HPSE2: variants seen among roughly 807,000 people sequenced by gnomAD.
HPSE2 encodes inactive heparanase-2.
Under a neutral mutation model 60.5 loss-of-function variants are expected in HPSE2, and 38 were observed. The ratio of observed to expected loss-of-function variants is 0.63; its 90% CI spans 0.48 to 0.82. HPSE2 has a LOEUF of 0.82. HPSE2 is among the 40% of genes least tolerant of loss of function. The pLI, the probability that HPSE2 is intolerant of heterozygous loss-of-function variation, is 0.00. For missense variants in HPSE2, 713 were observed against 740.4 expected, an observed-to-expected ratio of 0.96 and a Z score of 0.43; for synonymous variants, 295 against 293.2, an observed-to-expected ratio of 1.01 and a Z score of -0.06.
At chr10:99,150,254 C>T (rs1399149415) in intron 2 of HPSE2, among the ~76,000 whole-genome samples, 2 of 152,146 alleles carry the variant, frequency 1.3e-5, no homozygotes, top group African/African-American at 2.4e-5. Flanking sequence ...CATAAACTAA[C>T]CAGTTAGTAA....
At chr10:98,858,063 C>T (rs1220726786) in intron 3 of HPSE2, among the ~76,000 whole-genome samples, 1 of 152,166 alleles carries the variant, frequency 6.6e-6, no homozygotes, top group Admixed American at 6.5e-5. Context: ...CAATCTTTAA[C>T]AATCTTTCAA....
chr10:98,775,364 C>T (rs1009308367), intron 3 of HPSE2, among the ~76,000 whole-genome samples: 3 of 152,176 alleles, frequency 2.0e-5, no homozygotes, highest in African/African-American at 7.2e-5. Flanking sequence ...TAGGGCACAT[C>T]TCCATTGGGA....
At chr10:98,589,907 A>G (rs780621074) in intron 9 of HPSE2, among the ~76,000 whole-genome samples, 1 of 152,210 alleles carries the variant, frequency 6.6e-6, no homozygotes, top group Non-Finnish European at 1.5e-5. Flanking sequence ...GAATTTAGTC[A>G]TCCTGTCAGG....
chr10:98,637,589 G>A (rs1946530262), intron 7 of HPSE2, among the ~76,000 whole-genome samples: 1 of 152,080 alleles, frequency 6.6e-6, no homozygotes, highest in African/African-American at 2.4e-5. Context: ...TCAAGTAAGT[G>A]ACTGGCCCAA....
At chr10:98,983,541 A>G (rs543699577) in intron 3 of HPSE2, among the ~76,000 whole-genome samples, 1 of 152,352 alleles carries the variant, frequency 6.6e-6, no homozygotes, top group South Asian at 2.1e-4. Flanking sequence ...ATCATTTGCG[A>G]TCTCAAGCAG....
chr10:98,837,252 A>T (rs1565199625), intron 3 of HPSE2, among the ~76,000 whole-genome samples: 1 of 152,206 alleles, frequency 6.6e-6, no homozygotes. Context: ...ACATCAAGAA[A>T]TGTATGCATT....
At chr10:99,150,856 A>T (rs1846234604) in intron 2 of HPSE2, among the ~76,000 whole-genome samples, 1 of 152,204 alleles carries the variant, frequency 6.6e-6, no homozygotes, top group African/African-American at 2.4e-5. Flanking sequence ...AAATGCCACA[A>T]AACTTAATGT....
At chr10:98,958,009 T>G (rs923404034) in intron 3 of HPSE2, among the ~76,000 whole-genome samples, 1 of 152,028 alleles carries the variant, frequency 6.6e-6, no homozygotes, top group Non-Finnish European at 1.5e-5. Context: ...GCTGGAGAGG[T>G]TGTCTCTTCT....
intron 2 of HPSE2, among the ~76,000 whole-genome samples, chr10:99,164,250 T>C (rs1846971483): frequency 9.1e-6 from 1 of 109,700 alleles, no homozygotes; most frequent in Non-Finnish European, 1.9e-5. Flanking sequence ...TATATATATA[T>C]ATATATATAT....
intron 7 of HPSE2, among the ~76,000 whole-genome samples, chr10:98,631,725 G>A (rs369554537): frequency 2.0e-5 from 3 of 152,132 alleles, no homozygotes; most frequent in African/African-American, 7.2e-5. Context: ...GCATATAGCA[G>A]GACCTTACTA....
At chr10:98,870,795 C>CA (rs1210467853) in intron 3 of HPSE2, among the ~76,000 whole-genome samples, 1 of 151,940 alleles carries the variant, frequency 6.6e-6, no homozygotes, top group African/African-American at 2.4e-5. Context: ...TCACAATTCC[C>CA]AATGTTGGAG....
chr10:98,544,267 A>G (rs1426134080), intron 9 of HPSE2, among the ~76,000 whole-genome samples: 1 of 152,230 alleles, frequency 6.6e-6, no homozygotes, highest in African/African-American at 2.4e-5. Flanking sequence ...AAATAAAGAT[A>G]TTCTTTGAAA....
At chr10:98,511,698 A>G (rs529941504) in intron 9 of HPSE2, among the ~76,000 whole-genome samples, 1 of 152,106 alleles carries the variant, frequency 6.6e-6, no homozygotes, top group South Asian at 2.1e-4. Context: ...CCAGTGCCAT[A>G]GACATTGGGA....
intron 9 of HPSE2, among the ~76,000 whole-genome samples, chr10:98,586,177 G>C (rs1376385830): frequency 6.6e-6 from 1 of 152,150 alleles, no homozygotes; most frequent in African/African-American, 2.4e-5. Flanking sequence ...CAATAGAATT[G>C]CCAGGTTCAT....
chr10:98,608,497 C>T (rs575939996), intron 9 of HPSE2, among the ~76,000 whole-genome samples: 2 of 152,300 alleles, frequency 1.3e-5, no homozygotes, highest in South Asian at 4.1e-4. Flanking sequence ...AAAAGAACTG[C>T]CTTCCTGTCA....
At chr10:99,160,625 C>T (rs190529612) in intron 2 of HPSE2, among the ~76,000 whole-genome samples, 70 of 152,222 alleles carry the variant, frequency 4.6e-4, no homozygotes, top group African/African-American at 1.4e-3. Flanking sequence ...CATGGCCGGG[C>T]GCGGTGGCTC....
chr10:98,841,461 T>C (rs1380121999), intron 3 of HPSE2, among the ~76,000 whole-genome samples: 1 of 152,208 alleles, frequency 6.6e-6, no homozygotes, highest in Admixed American at 6.5e-5. Context: ...TTTATTTGTA[T>C]TTAGCTTTAT....
Position 98,899,389 on chromosome 10 carries a change from G to A in HPSE2, c.611-155333C>T, listed in dbSNP as rs78425989. ...AATGAAATAACAAGTAACACAAAGG[G>A]AGAAAAATATTTACAAACCATATAT... On this transcript the variant is annotated intron_variant, in intron 3 of 11. Transcript: ENST00000370552. Among the ~76,000 whole-genome samples, 1,426 of 152,200 alleles carry A rather than the reference G, an allele frequency of 9.4e-3. 17 individuals are homozygous for A. Among genetic ancestry groups the A allele is most frequent in the African/African-American group, 0.032 (1,331 of 41,536 alleles).
At chr10:98,489,506 T>C (rs1941563059) in intron 10 of HPSE2, among the ~76,000 whole-genome samples, 3 of 152,240 alleles carry the variant, frequency 2.0e-5, no homozygotes, top group Admixed American at 2.0e-4. Flanking sequence ...GAAAAGATTT[T>C]CAAAACACTG....
Sources: gnomAD v4.1 joint callset for allele counts (sites outside exome capture counted in the v4.1 genomes callset) on GRCh38, gnomAD v4.1.1 for gene constraint, MANE v1.5 for transcripts, NCBI Gene and HGNC (gene_info 2026-07-23, HGNC 2026-07-21) for gene names.